ITIH6: variants seen among roughly 807,000 people sequenced by gnomAD.
ITIH6 encodes inter-alpha-trypsin inhibitor heavy chain family member 6, also known as inter-alpha-trypsin inhibitor heavy chain H6.
Under a neutral mutation model 58.2 loss-of-function variants are expected in ITIH6, and 60 were observed. That is an observed-to-expected ratio of 1.03 (90% confidence interval 0.84 to 1.28). ITIH6 has a LOEUF of 1.28. ITIH6 is among the 50% of genes most tolerant of loss of function. The pLI, the probability that ITIH6 is intolerant of heterozygous loss-of-function variation, is 0.00. For missense variants in ITIH6, 1,290 were observed against 1,021.1 expected (o/e 1.26, Z -3.59); for synonymous variants, 493 against 417.4 (o/e 1.18, Z -2.21).
intron 2 of ITIH6, among the ~76,000 whole-genome samples, chrX:54,793,308 A>G (rs1929380498): frequency 9.0e-6 from 1 of 110,805 alleles, no homozygotes; most frequent in African/African-American, 3.3e-5. Flanking sequence ...TTCTCAGTAA[A>G]CTGTCACAGG....
chrX:54,750,042 G>C lies in ITIH6; in HGVS notation c.3795C>G (p.His1265Gln), dbSNP rs1330202319. The C allele has an allele frequency of 8.3e-7, 1 of 1,209,509 alleles. No individual in the cohort carries two copies. The highest frequency in any genetic ancestry group is 1.1e-6 in the Non-Finnish European group (1 of 894,845). Residue 1265 changes from histidine (H) to glutamine (Q), a missense_variant, in exon 13 of 13, where the codon CAC becomes CAG. Transcript: ENST00000218436. ...GAATCACAGGCACATCTGGGCCATG[G>C]TGCCTTCGTAAGCATGGCCCCATAG... is the stretch of plus-strand genomic sequence containing the variant. ...TGPMGPCLRR[H>Q]HGPDVPVILG... is the part of the protein sequence containing the mutation.
chrX:54,763,809 C>T (rs755345104), intron 6 of ITIH6, among the ~76,000 whole-genome samples: 1 of 111,843 alleles, frequency 8.9e-6, no homozygotes, highest in Non-Finnish European at 1.9e-5. Context: ...GTATTTTTAC[C>T]TTCCAGTTTC....
intron 5 of ITIH6, among the ~76,000 whole-genome samples, chrX:54,788,170 G>T (rs899215777): frequency 8.9e-6 from 1 of 111,805 alleles, no homozygotes; most frequent in Non-Finnish European, 1.9e-5. Context: ...CATAAGCTTA[G>T]GTGCCCAATT....
rs34188213 is a variant in ITIH6, at chrX:54,758,915, C to A, written c.1159G>T (p.Gly387Trp). The A allele has an allele frequency of 4.1e-6, 5 of 1,206,059 alleles. No individual in the cohort carries two copies. The African/African-American group carries it at 5.3e-5, about 13-fold the overall frequency. ...NQEPGRGPSVGRIPLIIFLTD... is the reference protein window; with the variant it reads ...NQEPGRGPSVWRIPLIIFLTD... ...AGGAAGATGATAAGAGGGATCCTCC[C>A]CACACTGGGGCCCCTCCCAGGCTCC... Residue 387 changes from glycine to tryptophan, a missense_variant, in exon 8 of 13, where the codon GGG (glycine) becomes TGG (tryptophan). Coordinates refer to ENST00000218436, the MANE Select transcript of ITIH6 (RefSeq NM_198510.3).
In ITIH6 at chrX:54,751,276, G is replaced by C. The variant is rs201158794; in HGVS notation, c.3457C>G (p.Arg1153Gly). ...QIITVTTDKP[R>G]AYTITISRSS... The stretch of plus-strand genomic sequence containing the variant: ...CGGCTGATGGTGATAGTATAGGCCC[G>C]GGGTTTGTCTGTAGTGACTGTGATG... The change falls in exon 12 of 13, where the codon CGG (arginine) becomes GGG (glycine). Residue 1153 changes from arginine (R) to glycine (G), a missense_variant. Transcript: ENST00000218436. The C allele has an allele frequency of 1.7e-6, 2 of 1,211,901 alleles. No homozygotes were observed. The highest frequency in any genetic ancestry group is 3.5e-5 in the African/African-American group (2 of 57,832).
At chrX:54,761,808 G>T (rs1273034187) in intron 6 of ITIH6, among the ~76,000 whole-genome samples, 1 of 111,516 alleles carries the variant, frequency 9.0e-6, no homozygotes, top group Non-Finnish European at 1.9e-5. Flanking sequence ...TCTCTGTTTT[G>T]GTACCAGTAC....
intron 5 of ITIH6, among the ~76,000 whole-genome samples, chrX:54,786,090 G>T (rs575099859): frequency 1.8e-5 from 2 of 112,144 alleles, no homozygotes; most frequent in Non-Finnish European, 3.8e-5. Context: ...CAGTGAATTC[G>T]TTGTACTGCC....
At chrX:54,768,762 G>A (rs1338645504) in intron 6 of ITIH6, among the ~76,000 whole-genome samples, 1 of 102,276 alleles carries the variant, frequency 9.8e-6, no homozygotes, top group Non-Finnish European at 2.0e-5. Flanking sequence ...TTAGTCTGAT[G>A]GGCTTCCCTT....
intron 6 of ITIH6, among the ~76,000 whole-genome samples, chrX:54,764,032 T>A (rs1169413411): frequency 8.9e-6 from 1 of 112,215 alleles, no homozygotes; most frequent in African/African-American, 3.2e-5. Context: ...TAATTTGTGT[T>A]AGCATGGTAT....
chrX:54,787,169 C>T (rs1346370984), intron 5 of ITIH6: 1 of 112,059 alleles, frequency 8.9e-6, no homozygotes, highest in African/African-American at 3.3e-5. Flanking sequence ...CCTGCTGCCA[C>T]CTGCTGGCAA....
chrX:54,782,276 C>T lies in ITIH6; in HGVS notation c.786+6204G>A, dbSNP rs776324870. On this transcript the variant is annotated intron_variant, in intron 5 of 12. Coordinates refer to ENST00000218436, the MANE Select transcript of ITIH6 (RefSeq NM_198510.3). Reference sequence around the variant, plus strand: ...TACTAAAAATACAAAATTAGCAGGGCGTGGTGGTGCATGCCTGTAATCCCA... The same window carrying T: ...TACTAAAAATACAAAATTAGCAGGGTGTGGTGGTGCATGCCTGTAATCCCA... Among the ~76,000 whole-genome samples the T allele has an allele frequency of 1.4e-3, 159 of 111,013 alleles. 2 individuals carry two copies. Among genetic ancestry groups the T allele is most frequent in the African/African-American group, 4.3e-3 (131 of 30,507 alleles).
At chrX:54,762,296 G>A (rs1928664133) in intron 6 of ITIH6, among the ~76,000 whole-genome samples, 1 of 111,676 alleles carries the variant, frequency 9.0e-6, no homozygotes, top group Non-Finnish European at 1.9e-5. Context: ...TTTGTATCCT[G>A]AGACTTTGCT....
intron 11 of ITIH6, among the ~76,000 whole-genome samples, chrX:54,752,502 C>A (rs1479865621): frequency 8.9e-6 from 1 of 112,000 alleles, no homozygotes; most frequent in East Asian, 2.8e-4. Flanking sequence ...CAGTGCAGAC[C>A]ATCTACATCA....
chrX:54,760,888 CA>C (rs1172566515), intron 6 of ITIH6, among the ~76,000 whole-genome samples: 1 of 111,680 alleles, frequency 9.0e-6, no homozygotes, highest in Non-Finnish European at 1.9e-5. Context: ...AATAGTGCCA[CA>C]ATAAACATAC....
intron 6 of ITIH6, among the ~76,000 whole-genome samples, chrX:54,768,840 T>C (rs1301067346): frequency 9.4e-6 from 1 of 106,238 alleles, no homozygotes. Flanking sequence ...CTTTGGTGAG[T>C]CTGACAATTA....
Position 54,759,831 on chromosome X carries a change from C to T in ITIH6, c.1000G>A (p.Gly334Arg), listed in dbSNP as rs934209532. ...TGGATGGTGGCCTGGATTGAGCCTC[C>T]AGCTTTCCAAACATTAACTGTGTCA... is the stretch of plus-strand genomic sequence containing the variant. Reference protein sequence around the residue: ...FSDTVNVWKAGGSIQATIQNV... With the variant: ...FSDTVNVWKARGSIQATIQNV... Residue 334 changes from glycine to arginine, a missense_variant, in exon 7 of 13, where the codon GGA becomes AGA. Physicochemically the swap from Gly to Arg is moderately radical, Grantham distance 125 (BLOSUM62 -2). Coordinates refer to ENST00000218436, the MANE Select transcript of ITIH6 (RefSeq NM_198510.3). 8.3e-7 allele frequency: 1 copy of T among 1,210,398 alleles called. No individual in the cohort carries two copies. The highest frequency in any genetic ancestry group is 1.1e-6 in the Non-Finnish European group (1 of 894,312).
chrX:54,790,709 G>A, intron 4 of ITIH6, 128 bp downstream of exon 4: 4 of 881,866 alleles, frequency 4.5e-6, no homozygotes, highest in Non-Finnish European at 6.4e-6. Flanking sequence ...TCTTCTCACT[G>A]AATCAGGAAG....
rs774197472 is a variant in ITIH6, at chrX:54,758,506, C to T, written c.1568G>A (p.Arg523His). The T allele has an allele frequency of 4.2e-5, 51 of 1,208,790 alleles. No homozygotes were observed. The highest frequency in any genetic ancestry group is 1.5e-4 in the Admixed American group (7 of 45,739). The change falls in exon 8 of 13, where the codon CGT becomes CAT. Residue 523 changes from arginine (R) to histidine (H), a missense_variant. Coordinates refer to ENST00000218436, the MANE Select transcript of ITIH6 (RefSeq NM_198510.3). ...KQELGIHLAA[R>H]GPKDQLLVAH... The stretch of plus-strand genomic sequence containing the variant: ...CACAAGAAGCTGATCCTTGGGGCCA[C>T]GGGCTGCCAGGTGGATGCCCAGTTC...
At chrX:54,764,111 A>G (rs1928714271) in intron 6 of ITIH6, among the ~76,000 whole-genome samples, 1 of 111,720 alleles carries the variant, frequency 9.0e-6, no homozygotes, top group African/African-American at 3.3e-5. Flanking sequence ...CTTATAAACA[A>G]CCTACAATTG....
Sources: gnomAD v4.1 joint callset for allele counts (sites outside exome capture counted in the v4.1 genomes callset) on GRCh38, gnomAD v4.1.1 for gene constraint, MANE v1.5 for transcripts, NCBI Gene and HGNC (gene_info 2026-07-23, HGNC 2026-07-21) for gene names.